Variants in ITGA6 observed in about 807,000 individuals in gnomAD.
The protein encoded by ITGA6 is integrin subunit alpha 6, also known as integrin alpha-6.
Under a neutral mutation model 133.6 loss-of-function variants are expected in ITGA6, and 63 were observed. The ratio of observed to expected loss-of-function variants is 0.47; its 90% CI spans 0.38 to 0.58. The LOEUF is 0.58. Among genes scored for constraint, ITGA6 ranks in the 20% least tolerant of loss-of-function variants. The probability of loss-of-function intolerance (pLI) is 0.00; values close to 1 mark genes in which losing one functional copy is unlikely to be tolerated. For synonymous variants in ITGA6, 434 were observed against 482.0 expected, an observed-to-expected ratio of 0.90 and a Z score of 1.30; for missense variants, 1,068 against 1,309.4, an observed-to-expected ratio of 0.82 and a Z score of 2.85.
At chr2:172,482,016 A>G (rs1225828083) in intron 11 of ITGA6, among the ~76,000 whole-genome samples, 1 of 152,166 alleles carries the variant, frequency 6.6e-6, no homozygotes, top group Non-Finnish European at 1.5e-5. Context: ...AAGGGGAAAC[A>G]TTTTTATTCT....
chr2:172,435,509 A>G (rs867578855), intron 1 of ITGA6, among the ~76,000 whole-genome samples: 3 of 151,870 alleles, frequency 2.0e-5, no homozygotes, highest in African/African-American at 7.3e-5. Context: ...GAGATTAGAG[A>G]TAGGTAGGAA....
intron 20 of ITGA6, 39 bp downstream of exon 20, chr2:172,489,697 A>G (rs748572158): frequency 1.3e-6 from 2 of 1,545,218 alleles, no homozygotes; most frequent in South Asian, 2.3e-5. Flanking sequence ...CATAAATGCA[A>G]ATTAGAGAAA....
intron 19 of ITGA6, among the ~76,000 whole-genome samples, chr2:172,488,944 G>T (rs1686805144): frequency 1.3e-5 from 2 of 152,162 alleles, no homozygotes; most frequent in South Asian, 4.1e-4. Flanking sequence ...ACACCAAGAG[G>T]GCTCTTACCT....
At chr2:172,499,036 T>C (rs1687242893) in intron 24 of ITGA6, among the ~76,000 whole-genome samples, 1 of 152,230 alleles carries the variant, frequency 6.6e-6, no homozygotes, top group African/African-American at 2.4e-5. Flanking sequence ...ATGTCCGGTC[T>C]GGAGGGTTCT....
At chr2:172,463,828 C>T (rs1329985594) in intron 1 of ITGA6, among the ~76,000 whole-genome samples, 2 of 151,872 alleles carry the variant, frequency 1.3e-5, no homozygotes, top group African/African-American at 4.9e-5. Flanking sequence ...AACACATTCA[C>T]CTTATAGTCT....
At chr2:172,456,263 T>G (rs1056565844) in intron 1 of ITGA6, among the ~76,000 whole-genome samples, 1 of 152,184 alleles carries the variant, frequency 6.6e-6, no homozygotes, top group Non-Finnish European at 1.5e-5. Context: ...GAGCTTACCC[T>G]CAGGTATCCT....
intron 3 of ITGA6, 77 bp from the exon 4 acceptor site, chr2:172,469,048 C>T: frequency 2.0e-6 from 3 of 1,472,376 alleles, no homozygotes; most frequent in Non-Finnish European, 2.8e-6. Context: ...TCTGTATTGA[C>T]CATTTTATTC....
intron 5 of ITGA6, among the ~76,000 whole-genome samples, chr2:172,473,635 C>T (rs1686039542): frequency 6.6e-6 from 1 of 152,166 alleles, no homozygotes; most frequent in Non-Finnish European, 1.5e-5. Flanking sequence ...CTGTAACATG[C>T]ACTCAATTAT....
intron 11 of ITGA6, chr2:172,480,741 C>G (rs6433362): frequency 0.52 from 79,530 of 152,464 alleles, 22,319 homozygotes; most frequent in East Asian, 0.87. Flanking sequence ...ATGAAAAGCA[C>G]TTTGTCATTT....
At chr2:172,430,515 CA>C (rs1292904624) in intron 1 of ITGA6, among the ~76,000 whole-genome samples, 2 of 152,192 alleles carry the variant, frequency 1.3e-5, no homozygotes, top group Non-Finnish European at 2.9e-5. Context: ...AGTAAAATAT[CA>C]GATGCATGGG....
rs764961438 is a variant in ITGA6, at chr2:172,504,089, A to C, written c.*23-2A>C. On this transcript the variant is annotated splice_acceptor_variant, in intron 25 of 25. Transcript: ENST00000684293. LOFTEE classifies it low-confidence loss of function (3UTR_SPLICE). ...TTCTCTTTCTCTTTCCCTCTTCTCT[A>C]GTGTGGATTCTTTAAACGCTCTAGG... The C allele has an allele frequency of 9.5e-6, 15 of 1,575,250 alleles. No homozygotes were observed. Among genetic ancestry groups the C allele is most frequent in the Non-Finnish European group, 1.3e-5 (15 of 1,161,636 alleles).
intron 3 of ITGA6, 111 bp downstream of exon 3, chr2:172,467,671 C>T (rs1415064211): frequency 2.4e-6 from 2 of 832,542 alleles, no homozygotes; most frequent in Non-Finnish European, 4.0e-6. Flanking sequence ...GAACTTACTG[C>T]TTTAAAGCAG....
chr2:172,445,421 G>T (rs1352698806), intron 1 of ITGA6, among the ~76,000 whole-genome samples: 1 of 148,836 alleles, frequency 6.7e-6, no homozygotes, highest in African/African-American at 2.5e-5. Context: ...AGACCGAGGC[G>T]GGCAGATCAC....
chr2:172,449,812 C>G lies in ITGA6; in HGVS notation c.183-15727C>G, dbSNP rs536787310. Among the ~76,000 whole-genome samples, 4 of 150,530 alleles carry G rather than the reference C, an allele frequency of 2.7e-5. No homozygotes were observed. In the South Asian group the frequency reaches 8.4e-4, roughly 32 times the overall value. ...GGCACATGCCTGTAATCCAGGCTAC[C>G]TGGGAGGCTGAGGCGGGAGAATTGC... is the stretch of plus-strand genomic sequence containing the variant. On this transcript the variant is annotated intron_variant, in intron 1 of 25. Coordinates refer to ENST00000684293, the MANE Select transcript of ITGA6 (RefSeq NM_000210.4).
chr2:172,476,103 A>G (rs1432894272), intron 8 of ITGA6, among the ~76,000 whole-genome samples: 1 of 152,178 alleles, frequency 6.6e-6, no homozygotes, highest in African/African-American at 2.4e-5. Flanking sequence ...CTTGTAGGGA[A>G]GGTAGGGAGA....
At chr2:172,479,833 C>T (rs1686353943) in intron 10 of ITGA6, 94 bp downstream of exon 10, 1 of 1,264,914 alleles carries the variant, frequency 7.9e-7, no homozygotes, top group South Asian at 1.2e-5. Flanking sequence ...GGGAAGATGA[C>T]AGGAGTGCTG....
chr2:172,470,264 C>T (rs1685863996), intron 4 of ITGA6, among the ~76,000 whole-genome samples: 1 of 152,122 alleles, frequency 6.6e-6, no homozygotes, highest in Non-Finnish European at 1.5e-5. Context: ...CACCTCCACC[C>T]CAACAGAATC....
At chr2:172,483,673 A>AGT (rs1228776404) in intron 11 of ITGA6, among the ~76,000 whole-genome samples, 1 of 152,210 alleles carries the variant, frequency 6.6e-6, no homozygotes, top group Non-Finnish European at 1.5e-5. Context: ...AGGTTCCATT[A>AGT]GTGTAGGTTA....
At chr2:172,444,622 C>G (rs1274298752) in intron 1 of ITGA6, among the ~76,000 whole-genome samples, 6 of 118,264 alleles carry the variant, frequency 5.1e-5, no homozygotes, top group Admixed American at 1.1e-4. Context: ...ACCAAAAACC[C>G]AAAACACTTG....
Sources: gnomAD v4.1 joint callset for allele counts (sites outside exome capture counted in the v4.1 genomes callset) on GRCh38, gnomAD v4.1.1 for gene constraint, MANE v1.5 for transcripts, NCBI Gene and HGNC (gene_info 2026-07-23, HGNC 2026-07-21) for gene names.